Variants in TUSC3 observed in about 807,000 individuals in gnomAD.
TUSC3 encodes the protein tumor suppressor candidate 3, also known as dolichyl-diphosphooligosaccharide--protein glycosyltransferase subunit TUSC3.
Under a neutral mutation model 44.8 loss-of-function variants are expected in TUSC3, and 45 were observed. The ratio of observed to expected loss-of-function variants is 1.00; its 90% confidence interval spans 0.79 to 1.29. The LOEUF is 1.29. TUSC3 is among the 50% of genes most tolerant of loss of function. The pLI, the probability that TUSC3 is intolerant of heterozygous loss-of-function variation, is 0.00. For synonymous variants in TUSC3, 212 were observed against 152.9 expected (o/e 1.39, Z -2.85); for missense variants, 519 against 437.9 (o/e 1.19, Z -1.65).
chr8:15,839,495 C>G, the TUSC3 span, among the ~76,000 whole-genome samples: 1 of 151,768 alleles, frequency 6.6e-6, no homozygotes, highest in Admixed American at 6.6e-5. Flanking sequence ...GGGCTAATAT[C>G]CAGAATCTAC....
chr8:15,837,963 T>C, the TUSC3 span, among the ~76,000 whole-genome samples: 2 of 152,222 alleles, frequency 1.3e-5, no homozygotes, highest in African/African-American at 2.4e-5. Context: ...TCTAAGGTTG[T>C]ATTCCAGACT....
the TUSC3 span, among the ~76,000 whole-genome samples, chr8:15,848,051 T>C: frequency 2.0e-5 from 3 of 152,142 alleles, no homozygotes; most frequent in Non-Finnish European, 4.4e-5. Flanking sequence ...TTTTCAGGAC[T>C]CACTATAGGA....
chr8:15,839,495 C>A, the TUSC3 span, among the ~76,000 whole-genome samples: 36 of 151,888 alleles, frequency 2.4e-4, no homozygotes, highest in African/African-American at 8.2e-4. Context: ...GGGCTAATAT[C>A]CAGAATCTAC....
At position 15,450,134 on chromosome 8, in the gene TUSC3, A is replaced by G. The variant is rs556567627; in HGVS notation, n.91+32829A>G. On this transcript the variant is annotated intron_variant and non_coding_transcript_variant, in intron 1 of 5. Transcript: ENST00000503191. ...TGTATGTTTATCTTTATAAACATGTATAAAAAAAGTGTGAGAGGCTTTACT... is the reference window on the plus strand; with the variant it reads ...TGTATGTTTATCTTTATAAACATGTGTAAAAAAAGTGTGAGAGGCTTTACT... 1.9e-3 allele frequency among the ~76,000 whole-genome samples: 296 copies of G among 152,214 alleles called. 2 individuals carry two copies. The highest frequency in any genetic ancestry group is 3.3e-3 in the Non-Finnish European group (223 of 68,036).
At chr8:15,639,496 T>C (rs1199207904) in intron 2 of TUSC3, among the ~76,000 whole-genome samples, 1 of 152,238 alleles carries the variant, frequency 6.6e-6, no homozygotes, top group African/African-American at 2.4e-5. Context: ...GCTTTATTTA[T>C]ATAGGTTATA....
the TUSC3 span, among the ~76,000 whole-genome samples, chr8:15,832,845 C>T: frequency 6.6e-6 from 1 of 152,106 alleles, no homozygotes; most frequent in Non-Finnish European, 1.5e-5. Context: ...GAGACTTCAA[C>T]ACCCCAATGA....
At chr8:15,764,091 T>C (rs970788685) in intron 10 of TUSC3, 112 bp from the exon 11 acceptor site, 1 of 1,111,530 alleles carries the variant, frequency 9.0e-7, no homozygotes, top group East Asian at 2.7e-5. Context: ...TGAATACAAT[T>C]ATGACATTTT....
intron 6 of TUSC3, among the ~76,000 whole-genome samples, chr8:15,686,193 T>A (rs550957142): frequency 3.1e-4 from 47 of 152,148 alleles, no homozygotes; most frequent in Non-Finnish European, 5.6e-4. Context: ...TATGGTTACA[T>A]AGGACATAAA....
intron 1 of TUSC3, among the ~76,000 whole-genome samples, chr8:15,587,098 A>C (rs1199086887): frequency 6.6e-6 from 1 of 152,096 alleles, no homozygotes; most frequent in Non-Finnish European, 1.5e-5. Context: ...GCTCTGTTTT[A>C]TTTTGTCCTG....
intron 1 of TUSC3, among the ~76,000 whole-genome samples, chr8:15,543,635 T>C (rs1179907233): frequency 2.6e-5 from 4 of 151,942 alleles, no homozygotes; most frequent in African/African-American, 9.7e-5. Flanking sequence ...ATGCGTAGGA[T>C]ATAATAAATG....
chr8:15,803,925 A>G, the TUSC3 span, among the ~76,000 whole-genome samples: 1 of 152,194 alleles, frequency 6.6e-6, no homozygotes, highest in Non-Finnish European at 1.5e-5. Context: ...TATATGTGCC[A>G]CATTTTCTTT....
At chr8:15,820,849 T>C in the TUSC3 span, among the ~76,000 whole-genome samples, 1 of 152,216 alleles carries the variant, frequency 6.6e-6, no homozygotes, top group Non-Finnish European at 1.5e-5. Context: ...AAAATATGTA[T>C]GCCTCTTTAA....
intron 2 of TUSC3, among the ~76,000 whole-genome samples, chr8:15,501,673 T>A (rs991667284): frequency 6.6e-6 from 1 of 152,174 alleles, no homozygotes; most frequent in Non-Finnish European, 1.5e-5. Flanking sequence ...AGGCTACATA[T>A]TACTCTCTTC....
chr8:15,610,382 T>A (rs1310730514), intron 1 of TUSC3, among the ~76,000 whole-genome samples: 1 of 152,184 alleles, frequency 6.6e-6, no homozygotes, highest in Non-Finnish European at 1.5e-5. Context: ...AAGTTTCTCA[T>A]GGAGAAACAT....
At chr8:15,464,256 G>A (rs548977920) in intron 1 of TUSC3, among the ~76,000 whole-genome samples, 1 of 152,206 alleles carries the variant, frequency 6.6e-6, no homozygotes, top group South Asian at 2.1e-4. Flanking sequence ...CTTACTGGTT[G>A]GTAGTCTTAT....
At chr8:15,485,231 A>C (rs1203272502) in intron 2 of TUSC3, among the ~76,000 whole-genome samples, 1 of 152,184 alleles carries the variant, frequency 6.6e-6, no homozygotes, top group Non-Finnish European at 1.5e-5. Context: ...CTAGTTTTTC[A>C]GACATCGGCA....
the TUSC3 span, among the ~76,000 whole-genome samples, chr8:15,836,989 T>A: frequency 1.3e-5 from 2 of 150,642 alleles, no homozygotes; most frequent in Non-Finnish European, 2.9e-5. Flanking sequence ...AATAACTAGT[T>A]TTTTTTCTAT....
intron 8 of TUSC3, among the ~76,000 whole-genome samples, chr8:15,745,685 G>C (rs1181704216): frequency 6.6e-6 from 1 of 151,148 alleles, no homozygotes; most frequent in Non-Finnish European, 1.5e-5. Context: ...TGTAGATTCT[G>C]GATACTAGAT....
intron 10 of TUSC3, among the ~76,000 whole-genome samples, chr8:15,761,546 T>C (rs144606650): frequency 1.5e-3 from 236 of 152,318 alleles, no homozygotes; most frequent in African/African-American, 5.5e-3. Context: ...CAGTTGACCA[T>C]GCATATATTC....
Sources: gnomAD v4.1 joint callset for allele counts (sites outside exome capture counted in the v4.1 genomes callset) on GRCh38, gnomAD v4.1.1 for gene constraint, MANE v1.5 for transcripts, NCBI Gene and HGNC (gene_info 2026-07-23, HGNC 2026-07-21) for gene names.